Variants in EBF4 observed in about 807,000 individuals in gnomAD.
EBF4 encodes the protein EBF transcription factor 4.
EBF4 carries 34 observed loss-of-function variants against 67.1 expected under a neutral mutation model. The observed-to-expected ratio is 0.51, with a 90% CI of 0.39 to 0.67. The LOEUF (loss-of-function observed/expected upper bound fraction) is 0.67, where lower values mean the gene tolerates loss of function less well. EBF4 is among the 30% of genes least tolerant of loss of function. EBF4 has a pLI of 0.00. For missense variants in EBF4, 837 were observed against 873.3 expected (o/e 0.96, Z 0.52); for synonymous variants, 387 against 377.7 (o/e 1.02, Z -0.29).
chr20:2,697,630 G>A (rs2087315165), intron 1 of EBF4, among the ~76,000 whole-genome samples: 2 of 152,110 alleles, frequency 1.3e-5, no homozygotes, highest in African/African-American at 4.8e-5. Context: ...GGATGGGAAC[G>A]CTGGTGGAGA....
At chr20:2,710,449 CT>C in intron 6 of EBF4, among the ~76,000 whole-genome samples, 1 of 152,184 alleles carries the variant, frequency 6.6e-6, no homozygotes, top group South Asian at 2.1e-4. Context: ...TGTGCCTGGC[CT>C]ACTTCTTTTT....
Position 2,739,745 on chromosome 20 carries a change from C to T in EBF4, c.558-8804C>T, listed in dbSNP as rs2087941349. ...GTTTCTTCGGAGGCTCATGGGAGCC[C>T]AAGACAAATCTTTTAGGATAAAAAT... On this transcript the variant is annotated intron_variant, in intron 6 of 16. Transcript: ENST00000609451. This position sits in a 1 kb window ranked among gnomAD's most constrained non-coding sequence, Gnocchi z 4.5. Among the ~76,000 whole-genome samples, 1 of 152,148 alleles carries T rather than the reference C, an allele frequency of 6.6e-6. No individual in the cohort carries two copies. The highest frequency in any genetic ancestry group is 6.5e-5 in the Admixed American group (1 of 15,272).
At chr20:2,733,930 G>A (rs2087846959) in intron 6 of EBF4, among the ~76,000 whole-genome samples, 1 of 151,810 alleles carries the variant, frequency 6.6e-6, no homozygotes, top group African/African-American at 2.4e-5. Context: ...AGAGAAGCTT[G>A]TTCCAGGTAT....
intron 8 of EBF4, 40 bp from the exon 9 acceptor site, chr20:2,749,580 C>T (rs2088106075): frequency 1.3e-6 from 2 of 1,547,288 alleles, no homozygotes; most frequent in African/African-American, 1.4e-5. Context: ...GGCCCCACCT[C>T]AGCGCGGTCC....
chr20:2,706,930 A>G (rs906743004), intron 4 of EBF4, among the ~76,000 whole-genome samples: 3 of 152,222 alleles, frequency 2.0e-5, no homozygotes, highest in African/African-American at 7.2e-5. Flanking sequence ...GGCCAGCACA[A>G]GGAGCTGGAG....
chr20:2,706,067 C>G (rs1390478492), intron 3 of EBF4, 30 bp downstream of exon 3: 4 of 1,550,906 alleles, frequency 2.6e-6, no homozygotes, highest in Non-Finnish European at 3.5e-6. Context: ...CTACCCAGCC[C>G]TGCCCCTGAA....
chr20:2,696,340 A>G lies in EBF4; in HGVS notation c.137+2558A>G, dbSNP rs923149696. On this transcript the variant is annotated intron_variant, in intron 1 of 16. Transcript: ENST00000609451. The surrounding 1 kb of genome is among the most constrained non-coding windows in gnomAD (Gnocchi z 4.7). ...TACAAAAATTAGCTGGGCGTGGTGAAGCATGCTTGTAGTGCCAGCTACTTG... is the reference window on the plus strand; with the variant it reads ...TACAAAAATTAGCTGGGCGTGGTGAGGCATGCTTGTAGTGCCAGCTACTTG... Among the ~76,000 whole-genome samples, 6 of 151,864 alleles carry G rather than the reference A, an allele frequency of 4.0e-5. No homozygotes were observed. The highest frequency in any genetic ancestry group is 1.4e-4 in the African/African-American group (6 of 41,402).
chr20:2,721,246 CTTTTTTTT>C (rs146844927), intron 6 of EBF4, among the ~76,000 whole-genome samples: 40 of 108,122 alleles, frequency 3.7e-4, no homozygotes, highest in Non-Finnish European at 7.0e-4. Flanking sequence ...TGATTCTCTT[CTTTTTTTT>C]TTTTTTTTTT....
rs1044197624 is a variant in EBF4, at chr20:2,740,587, G to A, written c.558-7962G>A. On this transcript the variant is annotated intron_variant, in intron 6 of 16. Coordinates refer to ENST00000609451, the Ensembl canonical transcript of EBF4. ...TAATTTCAGCCCTAAGTATCTCATG[G>A]GGATGCAGGGAAGAAAAAGCTGGTG... 2.0e-5 allele frequency among the ~76,000 whole-genome samples: 3 copies of A among 152,266 alleles called. No homozygotes were observed. The South Asian group carries it at 6.2e-4, about 32-fold the overall frequency.
exon 13 of EBF4, chr20:2,752,152 C>A: frequency 6.9e-7 from 1 of 1,448,358 alleles, no homozygotes; most frequent in Non-Finnish European, 9.1e-7. Flanking sequence ...CGCACCCGGG[C>A]CGCTCGCACC....
chr20:2,737,059 C>T (rs1475387543), intron 6 of EBF4, among the ~76,000 whole-genome samples: 3 of 151,934 alleles, frequency 2.0e-5, no homozygotes, highest in South Asian at 2.1e-4. Flanking sequence ...ACCATCCTGG[C>T]TAACACGGTG....
chr20:2,719,175 C>T (rs562030439), intron 6 of EBF4, among the ~76,000 whole-genome samples: 1 of 152,296 alleles, frequency 6.6e-6, no homozygotes, highest in African/African-American at 2.4e-5. Context: ...TCACTGCAGC[C>T]TCAACCTCCT....
chr20:2,727,048 G>A (rs1319794051), intron 6 of EBF4, among the ~76,000 whole-genome samples: 1 of 151,930 alleles, frequency 6.6e-6, no homozygotes, highest in Non-Finnish European at 1.5e-5. Context: ...TTTGCGACTG[G>A]CTTATTTTAC....
At chr20:2,703,655 C>T (rs1313672989) in intron 1 of EBF4, among the ~76,000 whole-genome samples, 1 of 149,268 alleles carries the variant, frequency 6.7e-6, no homozygotes, top group African/African-American at 2.4e-5. Context: ...AGAGTGAGAT[C>T]CTGCCTTGAA....
chr20:2,693,133 C>T (rs2087233117), upstream of EBF4: 1 of 160,410 alleles, frequency 6.2e-6, no homozygotes, highest in Admixed American at 6.6e-5. The surrounding 1 kb of genome is among the most constrained non-coding windows in gnomAD (Gnocchi z 4.6). Context: ...CGCCCGCAGC[C>T]TCCGCCTCCC....
chr20:2,757,067 TGGCTTG>T (rs2088256415), intron 15 of EBF4, among the ~76,000 whole-genome samples: 1 of 152,232 alleles, frequency 6.6e-6, no homozygotes, highest in Admixed American at 6.5e-5. Flanking sequence ...GCAAGGCCAG[TGGCTTG>T]GGCCCCAGAA....
rs1366290958 is a variant in EBF4 at position 2,739,197 on chromosome 20, A to G, written c.558-9352A>G. ...CTGCCTGAAGGGAGACATCCCCTGTAGCCTTCCCATCACCCAGAGGATCCA... is the reference window on the plus strand; with the variant it reads ...CTGCCTGAAGGGAGACATCCCCTGTGGCCTTCCCATCACCCAGAGGATCCA... On this transcript the variant is annotated intron_variant, in intron 6 of 16. Transcript: ENST00000609451. The surrounding 1 kb of genome is among the most constrained non-coding windows in gnomAD (Gnocchi z 4.5). Among the ~76,000 whole-genome samples the G allele has an allele frequency of 1.3e-5, 2 of 152,080 alleles. No homozygotes were observed.
chr20:2,724,270 T>A (rs535358606), intron 6 of EBF4, among the ~76,000 whole-genome samples: 1 of 152,234 alleles, frequency 6.6e-6, no homozygotes, highest in South Asian at 2.1e-4. Context: ...ACCAGTACAC[T>A]ACTGATCTTA....
intron 6 of EBF4, among the ~76,000 whole-genome samples, chr20:2,710,988 A>G (rs559214370): frequency 2.1e-4 from 32 of 152,084 alleles, no homozygotes; most frequent in Non-Finnish European, 3.1e-4. Flanking sequence ...CAAAAAATAC[A>G]CACACAAAAA....
Sources: gnomAD v4.1 joint callset for allele counts (sites outside exome capture counted in the v4.1 genomes callset) on GRCh38, gnomAD v4.1.1 for gene constraint, Gnocchi (gnomAD v3.1) non-coding constraint, MANE v1.5 for transcripts, NCBI Gene and HGNC (gene_info 2026-07-23, HGNC 2026-07-21) for gene names.